Variants in RGMA observed in about 807,000 individuals in gnomAD.
RGMA encodes the protein repulsive guidance molecule BMP co-receptor a, also known as repulsive guidance molecule A.
In RGMA, 10 loss-of-function variants were observed where a neutral mutation model predicts 23.2. The observed-to-expected ratio is 0.43, with a 90% CI of 0.27 to 0.73. The LOEUF (loss-of-function observed/expected upper bound fraction) is 0.73, where lower values mean the gene tolerates loss of function less well. RGMA is among the 30% of genes least tolerant of loss of function. The pLI is 0.20. For synonymous variants in RGMA, 308 were observed against 279.3 expected, an observed-to-expected ratio of 1.10 and a Z score of -1.03; for missense variants, 547 against 630.5, an observed-to-expected ratio of 0.87 and a Z score of 1.42.
chr15:93,086,310 G>T lies in RGMA; in HGVS notation c.14+2609C>A, dbSNP rs904454555. 2.0e-5 allele frequency among the ~76,000 whole-genome samples: 3 copies of T among 152,264 alleles called. No individual in the cohort carries two copies. In the East Asian group the frequency reaches 5.8e-4, roughly 29 times the overall value. ...TCACAGAACTAACAGATTCCAATTT[G>T]CCTGCGCTGCTTTCAGATAATCCTT... On this transcript the variant is annotated intron_variant, in intron 1 of 3. Transcript: ENST00000329082.
At chr15:93,069,237 G>A (rs905122459) in intron 2 of RGMA, among the ~76,000 whole-genome samples, 12 of 152,294 alleles carry the variant, frequency 7.9e-5, no homozygotes, top group African/African-American at 2.9e-4. Context: ...AGCCTCCCGA[G>A]TAGCTGGGAT....
chr15:93,046,556 G>C (rs1173170844), intron 3 of RGMA, among the ~76,000 whole-genome samples: 1 of 152,120 alleles, frequency 6.6e-6, no homozygotes, highest in East Asian at 1.9e-4. Context: ...AGTGGTACTG[G>C]AGCACAATTC....
At chr15:93,072,621 C>T (rs998884595) in intron 2 of RGMA, among the ~76,000 whole-genome samples, 1 of 152,230 alleles carries the variant, frequency 6.6e-6, no homozygotes, top group Non-Finnish European at 1.5e-5. Context: ...AGGCACGTTC[C>T]CAGCCACCCC....
chr15:93,079,283 G>C (rs1357606992), intron 1 of RGMA, among the ~76,000 whole-genome samples: 1 of 152,150 alleles, frequency 6.6e-6, no homozygotes, highest in Non-Finnish European at 1.5e-5. Flanking sequence ...ACTTACTATT[G>C]TAAATGACCT....
chr15:93,074,874 GTC>G (rs1404477645), intron 1 of RGMA, among the ~76,000 whole-genome samples: 2 of 152,236 alleles, frequency 1.3e-5, no homozygotes, highest in Non-Finnish European at 2.9e-5. Flanking sequence ...ATTTGCTAGA[GTC>G]TGCCTTTCAC....
At chr15:93,066,189 G>T (rs1323726753) in intron 2 of RGMA, 3 of 1,427,120 alleles carry the variant, frequency 2.1e-6, no homozygotes, top group South Asian at 2.3e-5. Context: ...CTCCTTCCAC[G>T]ACATCAAATT....
At position 93,072,890 on chromosome 15, in the gene RGMA, C is replaced by G. The variant is rs553303627; in HGVS notation, c.130+26G>C. ...GAGGGGCGGCCCAGGGACCCGGCCC[C>G]GCGCGCCCGGCCGGCAGTGCCTTAC... On this transcript the variant is annotated intron_variant, in intron 2 of 3. Coordinates refer to ENST00000329082, the MANE Select transcript of RGMA (RefSeq NM_020211.3). 1.1e-4 allele frequency: 167 copies of G among 1,583,810 alleles called. 1 individual carries two copies. In the Middle Eastern group the frequency reaches 1.4e-3, roughly 13 times the overall value.
At chr15:93,069,558 A>G (rs1195281622) in intron 2 of RGMA, among the ~76,000 whole-genome samples, 11 of 149,134 alleles carry the variant, frequency 7.4e-5, no homozygotes, top group Non-Finnish European at 1.2e-4. Context: ...AGTTCAAAGT[A>G]TAAGGGGAAG....
intron 1 of RGMA, chr15:93,088,620 A>C (rs1180890348): frequency 1.9e-6 from 2 of 1,032,562 alleles, no homozygotes; most frequent in African/African-American, 3.4e-5. Context: ...TGAGGGAAGG[A>C]GCTCCCAGCC....
intron 2 of RGMA, chr15:93,063,168 C>T (rs1466942752): frequency 6.6e-6 from 1 of 152,226 alleles, no homozygotes; most frequent in Non-Finnish European, 1.5e-5. Flanking sequence ...GAAATCACTG[C>T]CAGCGCCTGT....
chr15:93,089,136 G>T lies in RGMA; in HGVS notation c.-204C>A. ...TGCGAGCGCCTGGCGGAGCCGGCCC[G>T]GGAGCGAACGGCCAGTGCTTCCCCG... On this transcript the variant is annotated 5_prime_UTR_variant, in exon 1 of 4. Coordinates refer to ENST00000329082, the MANE Select transcript of RGMA (RefSeq NM_020211.3). 3.0e-6 allele frequency: 1 copy of T among 334,220 alleles called. No individual in the cohort carries two copies. Among genetic ancestry groups the T allele is most frequent in the Non-Finnish European group, 5.4e-6 (1 of 185,496 alleles). 20.7% of individuals were successfully genotyped at this position (334,220 alleles called of 1,614,324 possible).
intron 1 of RGMA, among the ~76,000 whole-genome samples, chr15:93,080,325 A>C (rs1895538105): frequency 2.0e-5 from 3 of 151,992 alleles, no homozygotes; most frequent in African/African-American, 7.3e-5. Flanking sequence ...CAGCCTCCCG[A>C]GTAGCTGGGA....
chr15:93,069,389 C>A (rs1360921544), intron 2 of RGMA, among the ~76,000 whole-genome samples: 1 of 152,302 alleles, frequency 6.6e-6, no homozygotes, highest in Non-Finnish European at 1.5e-5. Context: ...GGGTTACGGG[C>A]GTGAGCCACC....
chr15:93,072,994 C>A lies in RGMA; in HGVS notation c.52G>T (p.Gly18Cys). 1 of 1,611,470 alleles carries A rather than the reference C, an allele frequency of 6.2e-7. No individual in the cohort carries two copies. Among genetic ancestry groups the A allele is most frequent in the Non-Finnish European group, 8.5e-7 (1 of 1,179,050 alleles). ...GAACGTCCTGCCCCTCTCCCCATAC[C>A]CATCCATCCAGCTCGGCCTGTTACC... ...LVVTGRAGWM[G>C]MGRGAGRSAL... Residue 18 changes from glycine (G) to cysteine (C), a missense_variant, in exon 2 of 4, where the codon GGT becomes TGT. Coordinates refer to ENST00000329082, the MANE Select transcript of RGMA (RefSeq NM_020211.3).
intron 3 of RGMA, among the ~76,000 whole-genome samples, chr15:93,050,968 C>T (rs1246605941): frequency 6.6e-6 from 1 of 152,152 alleles, no homozygotes; most frequent in Non-Finnish European, 1.5e-5. Flanking sequence ...TTGATGCAGG[C>T]AGGCCCTGAG....
Position 93,045,992 on chromosome 15 carries a change from C to A in RGMA, c.646-287G>T, listed in dbSNP as rs942622462. ...TCTTTTACTATATAGGGAAGTGAAC[C>A]AGAAAAATAAAAGCATAGATAATTA... On this transcript the variant is annotated intron_variant, in intron 3 of 3. Transcript: ENST00000329082. This position sits in a 1 kb window ranked among gnomAD's most constrained non-coding sequence, Gnocchi z 6.9. Among the ~76,000 whole-genome samples, 3 of 152,050 alleles carry A rather than the reference C, an allele frequency of 2.0e-5. No individual in the cohort carries two copies. Among genetic ancestry groups the A allele is most frequent in the African/African-American group, 7.3e-5 (3 of 41,378 alleles).
intron 1 of RGMA, among the ~76,000 whole-genome samples, chr15:93,076,624 A>G (rs1377203522): frequency 6.6e-6 from 1 of 152,192 alleles, no homozygotes; most frequent in African/African-American, 2.4e-5. Flanking sequence ...ATAATGGCTA[A>G]TATTTTGACG....
At chr15:93,083,431 G>A (rs1010868327) in intron 1 of RGMA, among the ~76,000 whole-genome samples, 6 of 152,064 alleles carry the variant, frequency 3.9e-5, no homozygotes, top group East Asian at 1.9e-4. Context: ...AGGTTCAAGC[G>A]ATCTTCCCAC....
chr15:93,079,472 T>C (rs536387878), intron 1 of RGMA, among the ~76,000 whole-genome samples: 4 of 152,286 alleles, frequency 2.6e-5, no homozygotes, highest in African/African-American at 9.6e-5. Context: ...CTTTATAAAG[T>C]GTGCTTCATA....
Sources: allele counts gnomAD v4.1 joint callset (sites outside exome capture counted in the v4.1 genomes callset), GRCh38; gene constraint gnomAD v4.1.1; non-coding constraint Gnocchi (gnomAD v3.1); transcripts MANE v1.5; gene names NCBI Gene and HGNC (gene_info 2026-07-23, HGNC 2026-07-21).